Variants in FLT3 observed in about 807,000 individuals in gnomAD.
The protein encoded by FLT3 is receptor-type tyrosine-protein kinase FLT3.
Under a neutral mutation model 126.6 loss-of-function variants are expected in FLT3, and 46 were observed. That is an observed-to-expected ratio of 0.36 (90% CI 0.29 to 0.46). FLT3 has a LOEUF of 0.46. FLT3 is among the 20% of genes least tolerant of loss of function. The probability of loss-of-function intolerance (pLI) is 1.00; values close to 1 mark genes in which losing one functional copy is unlikely to be tolerated. For synonymous variants in FLT3, 404 were observed against 434.4 expected, an observed-to-expected ratio of 0.93 and a Z score of 0.87; for missense variants, 1,069 against 1,190.3, an observed-to-expected ratio of 0.90 and a Z score of 1.50.
At chr13:28,097,331 T>C (rs950390124) in intron 1 of FLT3, among the ~76,000 whole-genome samples, 2 of 152,172 alleles carry the variant, frequency 1.3e-5, no homozygotes, top group Non-Finnish European at 2.9e-5. Context: ...CTAATGCATG[T>C]TTTCTCTTCA....
At chr13:28,079,049 T>A (rs1444507737) in intron 1 of FLT3, among the ~76,000 whole-genome samples, 1 of 152,114 alleles carries the variant, frequency 6.6e-6, no homozygotes, top group Non-Finnish European at 1.5e-5. Flanking sequence ...CTGCTGCAAA[T>A]TTTCCCAACT....
Position 28,050,164 on chromosome 13 carries a change from A to G in FLT3, c.673T>C (p.Phe225Leu). Residue 225 changes from phenylalanine (F) to leucine (L), a missense_variant, in exon 6 of 24, where the codon TTT becomes CTT. Physicochemically the swap from Phe to Leu is conservative, Grantham distance 22 (BLOSUM62 0). Coordinates refer to ENST00000241453, the MANE Select transcript of FLT3 (RefSeq NM_004119.3). ...KKEEKVLHEL[F>L]GTDIRCCARN... ...GCACAGCACCTTATGTCCGTCCCAA[A>G]TAATTCATGAAGCACTTTTTCCTCC... 1 of 1,614,110 alleles carries G rather than the reference A, an allele frequency of 6.2e-7. No individual in the cohort carries two copies. The highest frequency in any genetic ancestry group is 8.5e-7 in the Non-Finnish European group (1 of 1,179,940).
Position 28,018,544 on chromosome 13 carries a change from C to T in FLT3, c.2464G>A (p.Gly822Arg), listed in dbSNP as rs148480385. 8 of 1,614,082 alleles carry T rather than the reference C, an allele frequency of 5.0e-6. No homozygotes were observed. The highest frequency in any genetic ancestry group is 1.7e-5 in the Admixed American group (1 of 60,018). Residue 822 changes from glycine to arginine, a missense_variant, in exon 20 of 24, where the codon GGG becomes AGG. Coordinates refer to ENST00000241453, the MANE Select transcript of FLT3 (RefSeq NM_004119.3). ...LAARNVLVTH[G>R]KVVKICDFGL... ...AAGTCACATATCTTCACCACTTTCC[C>T]GTGGGTGACAAGCACGTTCCTGGCG...
chr13:28,087,671 G>C (rs1450591670), intron 1 of FLT3, among the ~76,000 whole-genome samples: 1 of 151,930 alleles, frequency 6.6e-6, no homozygotes, highest in Non-Finnish European at 1.5e-5. Context: ...TATATCTGAC[G>C]ACCTGAAGTT....
chr13:28,051,701 C>G lies in FLT3; in HGVS notation c.614+844G>C, dbSNP rs1462241463. ...CTGGGACTACAGGTGCCCGCCACCACGCCCGGCTAATTTTTTTTGTATTTT... is the reference window on the plus strand; with the variant it reads ...CTGGGACTACAGGTGCCCGCCACCAGGCCCGGCTAATTTTTTTTGTATTTT... On this transcript the variant is annotated intron_variant, in intron 5 of 23. Coordinates refer to ENST00000241453, the MANE Select transcript of FLT3 (RefSeq NM_004119.3). Among the ~76,000 whole-genome samples, 4 of 151,828 alleles carry G rather than the reference C, an allele frequency of 2.6e-5. 1 individual carries two copies. The highest frequency in any genetic ancestry group is 9.7e-5 in the African/African-American group (4 of 41,304).
At position 28,049,628 on chromosome 13, in the gene FLT3, C is replaced by G. The variant is rs1337472570; in HGVS notation, c.882+7G>C. 1.2e-6 allele frequency: 2 copies of G among 1,613,962 alleles called. No individual in the cohort carries two copies. Among genetic ancestry groups the G allele is most frequent in the East Asian group, 2.2e-5 (1 of 44,884 alleles). ...TGCATTTTCAGAATACAAACTTGTC[C>G]TATTACCTCCTCGAGTGCTTTGTTT... On this transcript the variant is annotated splice_region_variant and intron_variant, in intron 7 of 23. Transcript: ENST00000241453.
intron 2 of FLT3, among the ~76,000 whole-genome samples, chr13:28,063,712 A>C (rs1166093793): frequency 7.6e-6 from 1 of 131,568 alleles, no homozygotes; most frequent in Non-Finnish European, 1.7e-5. Flanking sequence ...TAAGTGCAAG[A>C]CCATCTGCTG....
chr13:28,061,991 C>T lies in FLT3; in HGVS notation c.244G>A (p.Glu82Lys), dbSNP rs1342977721. 4 of 1,613,570 alleles carry T rather than the reference C, an allele frequency of 2.5e-6. No individual in the cohort carries two copies. In the African/African-American group the frequency reaches 5.3e-5, roughly 22 times the overall value. ...SGTVYEAAAVEVDVSASITLQ... is the reference protein window; with the variant it reads ...SGTVYEAAAVKVDVSASITLQ... ...GTGATGGAAGCAGATACATCCACTT[C>T]CACAGCGGCAGCTTCGTACACTGTC... is the stretch of plus-strand genomic sequence containing the variant. Residue 82 changes from glutamate (E) to lysine (K), a missense_variant, in exon 3 of 24, where the codon GAA becomes AAA. Transcript: ENST00000241453.
intron 18 of FLT3, among the ~76,000 whole-genome samples, chr13:28,024,409 C>T (rs368790925): frequency 3.3e-5 from 5 of 152,316 alleles, no homozygotes; most frequent in East Asian, 1.9e-4. Flanking sequence ...TGATTACAGG[C>T]GTGAGCCACC....
At chr13:28,021,829 G>A (rs1340043898) in intron 19 of FLT3, among the ~76,000 whole-genome samples, 1 of 150,554 alleles carries the variant, frequency 6.6e-6, no homozygotes. Context: ...TGCAAGCTCC[G>A]CCTCCCAGGT....
In FLT3 at chr13:28,035,854, T is replaced by C. The variant is rs2491229; in HGVS notation, c.1418+81A>G. 0.73 allele frequency: 932,966 copies of C among 1,274,060 alleles called. 352,244 individuals carry two copies. Among genetic ancestry groups the C allele is most frequent in the Non-Finnish European group, 0.78 (685,077 of 877,554 alleles). The allele number at this position is 1,274,060 out of a possible 1,614,324, so 78.9% of individuals were successfully genotyped here. On this transcript the variant is annotated intron_variant, in intron 11 of 23. Coordinates refer to ENST00000241453, the MANE Select transcript of FLT3 (RefSeq NM_004119.3). ...ATTTTAAATATTTCATCATTTCCTC[T>C]TAAACTGTATTCATGAAAGAGTCAA...
chr13:28,053,397 GATAT>G (rs10522717), intron 4 of FLT3, among the ~76,000 whole-genome samples: 3 of 134,872 alleles, frequency 2.2e-5, no homozygotes, highest in Admixed American at 7.3e-5. Flanking sequence ...TGTACTGTTT[GATAT>G]ATATATATAT....
In FLT3 at chr13:28,035,490, T is replaced by C; in HGVS notation, c.1597+5A>G. The C allele has an allele frequency of 1.2e-6, 2 of 1,610,216 alleles. No homozygotes were observed. The highest frequency in any genetic ancestry group is 1.3e-5 in the African/African-American group (1 of 74,888). ...GGTGGAATATCACAAGAACAACTGT[T>C]GTACCTGGAGAGTTTAAAAGGATCG... On this transcript the variant is annotated splice_donor_5th_base_variant and intron_variant, in intron 12 of 23. Coordinates refer to ENST00000241453, the MANE Select transcript of FLT3 (RefSeq NM_004119.3).
chr13:28,021,014 T>C (rs1281474804), intron 19 of FLT3, among the ~76,000 whole-genome samples: 6 of 152,082 alleles, frequency 3.9e-5, no homozygotes, highest in African/African-American at 1.4e-4. Context: ...TGACTGCCAG[T>C]TGGGAGTAGT....
At chr13:28,082,296 A>G (rs1299711843) in intron 1 of FLT3, among the ~76,000 whole-genome samples, 6 of 152,098 alleles carry the variant, frequency 3.9e-5, no homozygotes, top group Non-Finnish European at 8.8e-5. Flanking sequence ...GACTACATGC[A>G]CATACCACCA....
In FLT3 at chr13:28,075,859, C is replaced by A. The variant is rs189992044; in HGVS notation, c.44-5247G>T. Among the ~76,000 whole-genome samples the A allele has an allele frequency of 3.8e-3, 576 of 151,646 alleles. 2 individuals carry two copies. Among genetic ancestry groups the A allele is most frequent in the Non-Finnish European group, 5.9e-3 (404 of 67,940 alleles). On this transcript the variant is annotated intron_variant, in intron 1 of 23. Transcript: ENST00000241453. ...CACCCAAGCTGGAGTACAGTGGCAC[C>A]ATCTCGGCTCACTGCAAACTCCACC...
intron 4 of FLT3, among the ~76,000 whole-genome samples, chr13:28,056,451 CA>C (rs1876007876): frequency 6.6e-6 from 1 of 152,200 alleles, no homozygotes. Context: ...GTTTTTGGAG[CA>C]CTGCACTGGC....
At chr13:28,092,915 C>CTTTT (rs780584936) in intron 1 of FLT3, among the ~76,000 whole-genome samples, 10 of 89,836 alleles carry the variant, frequency 1.1e-4, no homozygotes, top group African/African-American at 1.5e-4. Flanking sequence ...CCAGAGACTA[C>CTTTT]TTTTTTTTTT....
chr13:28,026,591 AAC>A (rs34478396), intron 17 of FLT3, among the ~76,000 whole-genome samples: 68,719 of 151,852 alleles, frequency 0.45, 17,695 homozygotes, highest in East Asian at 0.68. Flanking sequence ...GCGGAGGATA[AAC>A]ACAGAGCAGA....
Sources: allele counts gnomAD v4.1 joint callset (sites outside exome capture counted in the v4.1 genomes callset), GRCh38; gene constraint gnomAD v4.1.1; transcripts MANE v1.5; gene names NCBI Gene and HGNC (gene_info 2026-07-23, HGNC 2026-07-21).